CDH20: variants seen among roughly 807,000 people sequenced by gnomAD.
CDH20 encodes cadherin 20.
A neutral mutation model predicts 74.2 loss-of-function variants in CDH20; 29 were observed. That is an observed-to-expected ratio of 0.39 (90% CI 0.29 to 0.53). The LOEUF (loss-of-function observed/expected upper bound fraction) is 0.53. Ranked by LOEUF, CDH20 falls within the 20% of genes least tolerant of loss-of-function variation. The pLI is 0.69. For synonymous variants in CDH20, 469 were observed against 405.4 expected (o/e 1.16, Z -1.88); for missense variants, 988 against 1,048.3 (o/e 0.94, Z 0.79).
intron 1 of CDH20, among the ~76,000 whole-genome samples, chr18:61,341,256 G>C (rs769491570): frequency 6.6e-6 from 1 of 152,172 alleles, no homozygotes; most frequent in Non-Finnish European, 1.5e-5. Flanking sequence ...AGCATGGTCC[G>C]TTTCTGGTGA....
intron 1 of CDH20, among the ~76,000 whole-genome samples, chr18:61,463,613 G>C (rs1909859521): frequency 1.3e-5 from 2 of 152,090 alleles, no homozygotes; most frequent in South Asian, 2.1e-4. Context: ...CTGTGCGTTG[G>C]GGGAGAAAGA....
At chr18:61,475,862 A>C (rs566118306) in intron 1 of CDH20, among the ~76,000 whole-genome samples, 2 of 152,220 alleles carry the variant, frequency 1.3e-5, no homozygotes, top group Non-Finnish European at 2.9e-5. Context: ...ATAAATGAAA[A>C]TTAGACCAGT....
chr18:61,501,319 G>C (rs984200655), intron 4 of CDH20, among the ~76,000 whole-genome samples: 3 of 151,972 alleles, frequency 2.0e-5, no homozygotes, highest in Admixed American at 2.0e-4. Context: ...TAATATGTTT[G>C]AGCTTGGCAA....
chr18:61,387,909 C>T (rs936144940), intron 1 of CDH20, among the ~76,000 whole-genome samples: 2 of 152,066 alleles, frequency 1.3e-5, no homozygotes, highest in East Asian at 3.9e-4. Context: ...ATTTTAAATT[C>T]TGTTGCATTT....
intron 8 of CDH20, among the ~76,000 whole-genome samples, chr18:61,537,839 T>A (rs1302441122): frequency 6.6e-6 from 1 of 152,144 alleles, no homozygotes; most frequent in African/African-American, 2.4e-5. Context: ...TAGAGCATAA[T>A]TTTTTGGGAA....
chr18:61,464,638 A>AACTATCCTCACT (rs1452135414), intron 1 of CDH20, among the ~76,000 whole-genome samples: 1 of 152,210 alleles, frequency 6.6e-6, no homozygotes, highest in Admixed American at 6.5e-5. Context: ...TCCCTGCCAA[A>AACTATCCTCACT]ACTATCCTCA....
intron 1 of CDH20, among the ~76,000 whole-genome samples, chr18:61,487,019 C>T (rs912773227): frequency 1.3e-5 from 2 of 152,190 alleles, no homozygotes; most frequent in African/African-American, 4.8e-5. Flanking sequence ...ACTGAAAGCA[C>T]ACTTTATGTA....
At chr18:61,495,961 C>G (rs1346062674) in intron 2 of CDH20, among the ~76,000 whole-genome samples, 1 of 151,864 alleles carries the variant, frequency 6.6e-6, no homozygotes, top group Non-Finnish European at 1.5e-5. Context: ...TGGGGCTGTT[C>G]TCTACCCGCT....
chr18:61,426,854 T>C (rs1913087696), intron 1 of CDH20, among the ~76,000 whole-genome samples: 1 of 152,166 alleles, frequency 6.6e-6, no homozygotes, highest in South Asian at 2.1e-4. Flanking sequence ...ACATCAAGTA[T>C]CCCTGGTAAT....
At chr18:61,489,600 G>A (rs779351963) in intron 1 of CDH20, among the ~76,000 whole-genome samples, 2 of 151,736 alleles carry the variant, frequency 1.3e-5, no homozygotes, top group Non-Finnish European at 2.9e-5. Flanking sequence ...CCCCACGGTA[G>A]AAGTCCTTTT....
At chr18:61,532,287 G>A (rs903982514) in intron 7 of CDH20, among the ~76,000 whole-genome samples, 2 of 152,126 alleles carry the variant, frequency 1.3e-5, no homozygotes, top group South Asian at 4.1e-4. Flanking sequence ...TACAGTGAAT[G>A]TTCATTAAAT....
intron 6 of CDH20, among the ~76,000 whole-genome samples, chr18:61,520,474 C>G (rs1319293568): frequency 6.6e-6 from 1 of 150,894 alleles, no homozygotes; most frequent in Non-Finnish European, 1.5e-5. Context: ...ACTTAGACTC[C>G]CACACAATAA....
At chr18:61,424,545 T>A (rs2144281071) in intron 1 of CDH20, among the ~76,000 whole-genome samples, 1 of 152,374 alleles carries the variant, frequency 6.6e-6, no homozygotes, top group South Asian at 2.1e-4. Context: ...TGGAAAATTG[T>A]AAAATATACA....
At position 61,490,533 on chromosome 18, in the gene CDH20, T is replaced by G; in HGVS notation, c.-21T>G. 1.2e-6 allele frequency: 2 copies of G among 1,608,162 alleles called. No individual in the cohort carries two copies. Among genetic ancestry groups the G allele is most frequent in the Non-Finnish European group, 1.7e-6 (2 of 1,175,218 alleles). ...CAGTTGCTTATCATTCTCCTTCATT[T>G]TCTGAAAACCTGGCAATCCCATGTG... On this transcript the variant is annotated 5_prime_UTR_variant, in exon 2 of 12. Coordinates refer to ENST00000262717, the MANE Select transcript of CDH20 (RefSeq NM_031891.4).
intron 5 of CDH20, 28 bp from the exon 6 acceptor site, chr18:61,507,345 G>C (rs369579376): frequency 6.3e-7 from 1 of 1,598,282 alleles, no homozygotes; most frequent in Non-Finnish European, 8.5e-7. Context: ...GGATTATCAA[G>C]AATGCGTGTC....
At chr18:61,397,149 G>A (rs931689636) in intron 1 of CDH20, among the ~76,000 whole-genome samples, 1 of 152,024 alleles carries the variant, frequency 6.6e-6, no homozygotes, top group Non-Finnish European at 1.5e-5. Flanking sequence ...CCCAACCTCA[G>A]TATCTTCTGG....
intron 1 of CDH20, among the ~76,000 whole-genome samples, chr18:61,431,839 T>C (rs542749377): frequency 2.0e-5 from 3 of 152,290 alleles, no homozygotes; most frequent in African/African-American, 7.2e-5. Flanking sequence ...TTCTGAATTA[T>C]CTGGCCACGT....
chr18:61,467,466 C>T (rs1007588211), intron 1 of CDH20, among the ~76,000 whole-genome samples: 1 of 152,108 alleles, frequency 6.6e-6, no homozygotes, highest in Non-Finnish European at 1.5e-5. Flanking sequence ...TCTCACTATC[C>T]ATCAAATACA....
At chr18:61,341,099 T>C (rs1909933080) in intron 1 of CDH20, among the ~76,000 whole-genome samples, 1 of 152,192 alleles carries the variant, frequency 6.6e-6, no homozygotes. Flanking sequence ...TACAGCCATC[T>C]CCGTACCCAC....
Sources: allele counts gnomAD v4.1 joint callset (sites outside exome capture counted in the v4.1 genomes callset), GRCh38; gene constraint gnomAD v4.1.1; transcripts MANE v1.5; gene names NCBI Gene and HGNC (gene_info 2026-07-23, HGNC 2026-07-21).